OTOF: variants seen among roughly 807,000 people sequenced by gnomAD.
OTOF encodes the protein otoferlin, also known as fer-1-like family member 2.
A neutral mutation model predicts 236.8 loss-of-function variants in OTOF; 218 were observed. The observed-to-expected ratio is 0.92, with a 90% CI of 0.82 to 1.03. The LOEUF (loss-of-function observed/expected upper bound fraction) is 1.03, where lower values mean the gene tolerates loss of function less well. Among genes scored for constraint, OTOF ranks in the 50% least tolerant of loss-of-function variants. OTOF has a pLI of 0.00. For missense variants in OTOF, 2,590 were observed against 2,694.4 expected (o/e 0.96, Z 0.86); for synonymous variants, 1,041 against 1,072.5 (o/e 0.97, Z 0.57).
Position 26,528,107 on chromosome 2 carries a change from C to T in OTOF, c.139-187G>A, listed in dbSNP as rs533615559. ...AGTTCCAACAACCACCTTGTAGAGC[C>T]GGCATTGTTGCCCACTCCTCTTTCA... On this transcript the variant is annotated intron_variant, in intron 2 of 46. Transcript: ENST00000272371. 9.2e-5 allele frequency among the ~76,000 whole-genome samples: 14 copies of T among 152,264 alleles called. No homozygotes were observed. The South Asian group carries it at 1.7e-3, about 18-fold the overall frequency.
intron 5 of OTOF, among the ~76,000 whole-genome samples, chr2:26,508,610 A>G (rs1666309084): frequency 1.3e-5 from 2 of 152,262 alleles, no homozygotes; most frequent in Admixed American, 6.5e-5. Flanking sequence ...AAGCAGCATC[A>G]TGGAAGATGA....
intron 9 of OTOF, among the ~76,000 whole-genome samples, chr2:26,491,127 CA>C (rs1665831410): frequency 6.6e-6 from 1 of 152,016 alleles, no homozygotes; most frequent in African/African-American, 2.4e-5. Flanking sequence ...GCTGGAGAGA[CA>C]GGGGAAGCAG....
intron 5 of OTOF, among the ~76,000 whole-genome samples, chr2:26,505,947 A>C (rs1666237288): frequency 6.6e-6 from 1 of 152,208 alleles, no homozygotes; most frequent in African/African-American, 2.4e-5. Context: ...TTGGGAAGGG[A>C]CTGCTGTGCA....
chr2:26,467,653 G>C (rs979509914), intron 33 of OTOF, 152 bp from the exon 34 acceptor site: 1 of 1,037,798 alleles, frequency 9.6e-7, no homozygotes, highest in Non-Finnish European at 1.4e-6. Context: ...TAGCATGCCC[G>C]CCTCATGGAG....
chr2:26,526,698 G>A (rs1255489321), intron 3 of OTOF, among the ~76,000 whole-genome samples: 1 of 152,276 alleles, frequency 6.6e-6, no homozygotes, highest in East Asian at 1.9e-4. Flanking sequence ...GATCAGGAGT[G>A]CTTTAATTCT....
rs1665340214 is a variant in OTOF, at chr2:26,477,119, G to A, written c.2523+53C>T. The A allele has an allele frequency of 1.9e-6, 3 of 1,576,842 alleles. No individual in the cohort carries two copies. The highest frequency in any genetic ancestry group is 2.3e-5 in the South Asian group (2 of 88,792). The stretch of plus-strand genomic sequence containing the variant: ...TGATTGAGCCCCCTGATCCTGAGGG[G>A]CCCCAGAGAGCCAGCCCTGGATGAG... On this transcript the variant is annotated intron_variant, in intron 21 of 46. Transcript: ENST00000272371. The surrounding 1 kb of genome is among the most constrained non-coding windows in gnomAD (Gnocchi z 4.7).
rs1275629843 is a variant in OTOF, at chr2:26,472,622, A to G, written c.3761T>C (p.Leu1254Pro). ...TVRLLRRCRVLCNGGSSSHST... is the reference protein window; with the variant it reads ...TVRLLRRCRVPCNGGSSSHST... The stretch of plus-strand genomic sequence containing the variant: ...GTGAGAGGAGGAGCCCCCATTGCAC[A>G]GCACACGGCAGCGCCGGAGAAGCCT... Residue 1254 changes from leucine to proline, a missense_variant, in exon 30 of 47, where the codon CTG (leucine) becomes CCG (proline). Leu to Pro is a moderately conservative substitution (Grantham distance 98, BLOSUM62 -3). Around this residue, in one of 2 missense-constraint regions of OTOF, gnomAD observed 1,211 missense variants for 1,352.8 expected, o/e 0.90. Transcript: ENST00000272371. The G allele has an allele frequency of 8.1e-6, 13 of 1,613,220 alleles. No individual in the cohort carries two copies. Among genetic ancestry groups the G allele is most frequent in the Non-Finnish European group, 1.1e-5 (13 of 1,179,990 alleles).
intron 1 of OTOF, among the ~76,000 whole-genome samples, chr2:26,544,514 T>C (rs1667283314): frequency 6.6e-6 from 1 of 152,224 alleles, no homozygotes; most frequent in Non-Finnish European, 1.5e-5. Flanking sequence ...ATATAAGTAA[T>C]GTATTGATTT....
chr2:26,502,443 A>C lies in OTOF; in HGVS notation c.584-17T>G, dbSNP rs1195925282. 1.2e-6 allele frequency: 2 copies of C among 1,610,642 alleles called. No homozygotes were observed. Among genetic ancestry groups the C allele is most frequent in the Non-Finnish European group, 1.7e-6 (2 of 1,178,896 alleles). Reference sequence around the variant, plus strand: ...CCGGTTCATCTGGGGAAGATGAAAGACTGGTTAGGTGGGCTGACTGATGGT... The same window carrying C: ...CCGGTTCATCTGGGGAAGATGAAAGCCTGGTTAGGTGGGCTGACTGATGGT... On this transcript the variant is annotated splice_polypyrimidine_tract_variant and intron_variant, in intron 6 of 46. Transcript: ENST00000272371.
chr2:26,485,612 T>C (rs1665680932), intron 11 of OTOF, among the ~76,000 whole-genome samples: 1 of 152,160 alleles, frequency 6.6e-6, no homozygotes, highest in East Asian at 1.9e-4. Flanking sequence ...CACTGTGCCT[T>C]AGGAATCTGC....
intron 15 of OTOF, 28 bp from the exon 16 acceptor site, chr2:26,480,339 T>C (rs780087478): frequency 1.1e-5 from 15 of 1,369,122 alleles, no homozygotes; most frequent in Admixed American, 6.7e-5. Context: ...AAAGCGTTCC[T>C]GAGCTTGAGT....
chr2:26,476,744 T>G, intron 22 of OTOF, 147 bp downstream of exon 22: 1 of 379,914 alleles, frequency 2.6e-6, no homozygotes, highest in Non-Finnish European at 5.0e-6. Flanking sequence ...CCCCACCCCT[T>G]CCCCCACGTC....
intron 5 of OTOF, among the ~76,000 whole-genome samples, chr2:26,513,223 G>C (rs758933768): frequency 6.6e-6 from 1 of 152,160 alleles, no homozygotes. Flanking sequence ...AGGGTCTTAG[G>C]AGTGAGTGTC....
At chr2:26,512,413 C>T (rs1666413671) in intron 5 of OTOF, among the ~76,000 whole-genome samples, 1 of 152,200 alleles carries the variant, frequency 6.6e-6, no homozygotes, top group East Asian at 1.9e-4. Flanking sequence ...CACATGGGCA[C>T]TTGTGTACAC....
intron 3 of OTOF, among the ~76,000 whole-genome samples, chr2:26,525,768 C>T (rs1572477494): frequency 6.6e-6 from 1 of 151,050 alleles, no homozygotes; most frequent in Non-Finnish European, 1.5e-5. Context: ...ATGGATGGAT[C>T]GATAGATGGA....
chr2:26,510,814 T>A, intron 5 of OTOF: 1 of 1,112,344 alleles, frequency 9.0e-7, no homozygotes, highest in Non-Finnish European at 1.2e-6. Context: ...CCAGAGACAC[T>A]GGCCTCAGCC....
rs1667656489 is a variant in OTOF at position 26,558,630 on chromosome 2, G to A, written c.-59C>T. ...AGCAGCGGGAAGGAGCTAGCCGGTG[G>A]AGCACGGCTCACACGCCTCTCTCTT... On this transcript the variant is annotated 5_prime_UTR_variant, in exon 1 of 47. Transcript: ENST00000272371. 3.5e-6 allele frequency: 5 copies of A among 1,409,514 alleles called. No individual in the cohort carries two copies. Among genetic ancestry groups the A allele is most frequent in the Non-Finnish European group, 3.0e-6 (3 of 995,614 alleles). The allele number at this position is 1,409,514 out of a possible 1,614,324, so 87.3% of individuals were successfully genotyped here. A position where few individuals can be genotyped will look rare whatever the true frequency, so the allele number is the denominator to read the frequency against.
rs73923707 is a variant in OTOF at position 26,512,543 on chromosome 2, C to T, written c.509+3875G>A. Among the ~76,000 whole-genome samples the T allele has an allele frequency of 3.0e-3, 457 of 152,302 alleles. 1 individual carries two copies. The highest frequency in any genetic ancestry group is 0.011 in the African/African-American group (446 of 41,568). ...ATTTTGTGCTGCTGAGAGTGGAGCG[C>T]CCATGAGGTTAGGGATTCATTACAT... On this transcript the variant is annotated intron_variant, in intron 5 of 46. Transcript: ENST00000272371.
chr2:26,506,688 A>G (rs1666257069), intron 5 of OTOF, among the ~76,000 whole-genome samples: 1 of 152,222 alleles, frequency 6.6e-6, no homozygotes, highest in Admixed American at 6.5e-5. Context: ...GAAAGAAATG[A>G]TTGAGGCTTT....
Sources: gnomAD v4.1 joint callset for allele counts (sites outside exome capture counted in the v4.1 genomes callset) on GRCh38, gnomAD v4.1.1 for gene constraint, gnomAD v4.1.1 regional missense constraint, Gnocchi (gnomAD v3.1) non-coding constraint, MANE v1.5 for transcripts, NCBI Gene and HGNC (gene_info 2026-07-23, HGNC 2026-07-21) for gene names.